CHMP1A: variants seen among roughly 807,000 people sequenced by gnomAD.
CHMP1A encodes the protein VPS46 homolog A.
Under a neutral mutation model 27.0 loss-of-function variants are expected in CHMP1A, and 17 were observed. That is an observed-to-expected ratio of 0.63 (90% CI 0.43 to 0.95). The LOEUF (loss-of-function observed/expected upper bound fraction) is 0.95, where lower values mean the gene tolerates loss of function less well. Among genes scored for constraint, CHMP1A ranks in the 40% least tolerant of loss-of-function variants. CHMP1A has a pLI of 0.00. For missense variants in CHMP1A, 275 were observed against 264.0 expected (o/e 1.04, Z -0.29); for synonymous variants, 131 against 107.5 (o/e 1.22, Z -1.35).
chr16:89,647,340 G>A lies in CHMP1A; in HGVS notation c.253-9C>T. ...GCCATATTCTTGGTCACCTGAGACA[G>A]GAGAGAGCGCAGGAGGGAACAGGAT... On this transcript the variant is annotated splice_polypyrimidine_tract_variant and intron_variant, in intron 4 of 6. Transcript: ENST00000397901. 1.9e-6 allele frequency: 3 copies of A among 1,606,134 alleles called. No individual in the cohort carries two copies. The highest frequency in any genetic ancestry group is 2.6e-6 in the Non-Finnish European group (3 of 1,174,032).
Position 89,657,660 on chromosome 16 carries a change from G to A in CHMP1A, c.-72C>T, listed in dbSNP as rs946327089. On this transcript the variant is annotated 5_prime_UTR_variant, in exon 1 of 7. Coordinates refer to ENST00000397901, the MANE Select transcript of CHMP1A (RefSeq NM_002768.5). ...ACTCCGGGCGGTGTCAGGTCCCGGC[G>A]GCGATCGAACCGACCAAGCTGCACC... 7 of 1,601,598 alleles carry A rather than the reference G, an allele frequency of 4.4e-6. No homozygotes were observed. The highest frequency in any genetic ancestry group is 1.1e-5 in the South Asian group (1 of 89,662).
At chr16:89,654,107 G>C (rs945105897) in intron 1 of CHMP1A, among the ~76,000 whole-genome samples, 184 bp from the exon 2 acceptor site, 1 of 152,228 alleles carries the variant, frequency 6.6e-6, no homozygotes, top group African/African-American at 2.4e-5. Context: ...TCGTGTGCCA[G>C]CCCTGGCTCC....
chr16:89,652,748 C>A (rs1264030947), intron 2 of CHMP1A, among the ~76,000 whole-genome samples: 1 of 152,208 alleles, frequency 6.6e-6, no homozygotes, highest in African/African-American at 2.4e-5. Context: ...GGGAAAACAT[C>A]CCAAAGCTGC....
intron 1 of CHMP1A, among the ~76,000 whole-genome samples, chr16:89,654,557 A>T (rs981939367): frequency 7.9e-5 from 12 of 152,142 alleles, no homozygotes; most frequent in Non-Finnish European, 2.9e-5. Flanking sequence ...TAATCACAGC[A>T]CTCTGGGAGG....
chr16:89,646,179 A>C, intron 6 of CHMP1A, 92 bp from the exon 7 acceptor site: 2 of 1,189,618 alleles, frequency 1.7e-6, no homozygotes, highest in Non-Finnish European at 2.4e-6. Context: ...TTTCCTCCTC[A>C]GTGTCCTGAG....
chr16:89,655,699 C>T (rs1028491747), intron 1 of CHMP1A, among the ~76,000 whole-genome samples: 3 of 151,960 alleles, frequency 2.0e-5, no homozygotes, highest in African/African-American at 7.3e-5. Context: ...CATCTTGGCT[C>T]ACTGCAACCT....
At chr16:89,651,757 G>T in intron 2 of CHMP1A, 111 bp from the exon 3 acceptor site, 1 of 1,004,572 alleles carries the variant, frequency 1.0e-6, no homozygotes, top group South Asian at 1.6e-5. Flanking sequence ...AGGTTCCTAA[G>T]CCCCCATCAG....
chr16:89,657,313 C>T (rs1196980665), intron 1 of CHMP1A, among the ~76,000 whole-genome samples: 2 of 112,270 alleles, frequency 1.8e-5, no homozygotes, highest in Admixed American at 9.5e-5. Flanking sequence ...GGTCGGGTAT[C>T]GGGGGACGAG....
chr16:89,649,122 T>A, intron 4 of CHMP1A: 1 of 549,152 alleles, frequency 1.8e-6, no homozygotes, highest in Non-Finnish European at 3.1e-6. Context: ...CCTGTGTCCC[T>A]GCCAGCATTT....
chr16:89,653,063 G>A (rs1432296675), intron 2 of CHMP1A, among the ~76,000 whole-genome samples: 2 of 129,228 alleles, frequency 1.5e-5, no homozygotes, highest in African/African-American at 5.9e-5. Context: ...TGTCACCCAG[G>A]CTGGAGTGCA....
intron 1 of CHMP1A, among the ~76,000 whole-genome samples, chr16:89,656,200 G>C (rs189150095): frequency 6.6e-6 from 1 of 152,022 alleles, no homozygotes; most frequent in Admixed American, 6.5e-5. Flanking sequence ...GAAGTGGCGC[G>C]ATCTCGGCTC....
At chr16:89,649,565 T>TTTTTGTTTGG (rs2059808112) in intron 3 of CHMP1A, 68 bp from the exon 4 acceptor site, 1 of 1,581,836 alleles carries the variant, frequency 6.3e-7, no homozygotes, top group Non-Finnish European at 8.6e-7. Context: ...AGGAGCCCAG[T>TTTTTGTTTGG]TTTTGTTTTG....
In CHMP1A at chr16:89,653,919, G is replaced by A. The variant is rs892185057; in HGVS notation, c.12C>T (p.Thr4=). 4 of 1,613,474 alleles carry A rather than the reference G, an allele frequency of 2.5e-6. No individual in the cohort carries two copies. In the African/African-American group the frequency reaches 4.0e-5, roughly 16 times the overall value. MDD[T]LFQLKFTAKQ... is the part of the protein sequence containing the mutation. ...CGGTACATACCTTCAACTGGAACAGGGTATCTGCAAAGAAAGAGGGAATTA... is the reference window on the plus strand; with the variant it reads ...CGGTACATACCTTCAACTGGAACAGAGTATCTGCAAAGAAAGAGGGAATTA... Residue 4 remains threonine (T), a synonymous_variant, in exon 2 of 7, where the codon ACC becomes ACT. Transcript: ENST00000397901.
rs780126387 is a variant in CHMP1A, at chr16:89,645,964, G to T, written c.*102C>A. On this transcript the variant is annotated 3_prime_UTR_variant, in exon 7 of 7. Coordinates refer to ENST00000397901, the MANE Select transcript of CHMP1A (RefSeq NM_002768.5). The stretch of plus-strand genomic sequence containing the variant: ...GAGAGACGCAGAGTGGCTGCCGGCC[G>T]CAGCCCCGCGGGGTCAGCACAAAGG... 2 of 1,610,794 alleles carry T rather than the reference G, an allele frequency of 1.2e-6. No homozygotes were observed. Among genetic ancestry groups the T allele is most frequent in the Non-Finnish European group, 1.7e-6 (2 of 1,179,004 alleles).
chr16:89,647,529 GTGCGGGGT>G (rs1166736643), intron 4 of CHMP1A, among the ~76,000 whole-genome samples, 198 bp from the exon 5 acceptor site: 1 of 147,208 alleles, frequency 6.8e-6, no homozygotes, highest in African/African-American at 2.6e-5. Flanking sequence ...TGGAGACCCA[GTGCGGGGT>G]CAGTGGAGAA....
chr16:89,655,908 G>A (rs1454873403), intron 1 of CHMP1A, among the ~76,000 whole-genome samples: 1 of 152,208 alleles, frequency 6.6e-6, no homozygotes, highest in African/African-American at 2.4e-5. Context: ...TTACAGGCGT[G>A]AGCCACCACA....
At position 89,647,205 on chromosome 16, in the gene CHMP1A, A is replaced by C. The variant is rs2059781841; in HGVS notation, c.379T>G (p.Ser127Ala). ...CCCCAAGGGTAGGGGCCACATACCG[A>C]TGTATGGACGTCCAGGTTCTGCACC... ...QQVQNLDVHT[S>A]VMEDSMSSAT... The change falls in exon 5 of 7, where the codon TCG becomes GCG. Residue 127 changes from serine to alanine, a missense_variant and splice_region_variant. Ser to Ala is a moderately conservative substitution (Grantham distance 99, BLOSUM62 1). Transcript: ENST00000397901. 5.6e-6 allele frequency: 9 copies of C among 1,608,918 alleles called. No individual in the cohort carries two copies. Among genetic ancestry groups the C allele is most frequent in the Non-Finnish European group, 7.6e-6 (9 of 1,178,280 alleles).
chr16:89,657,672 G>T lies in CHMP1A; in HGVS notation c.-84C>A. On this transcript the variant is annotated 5_prime_UTR_variant, in exon 1 of 7. Transcript: ENST00000397901. The stretch of plus-strand genomic sequence containing the variant: ...GTCAGGTCCCGGCGGCGATCGAACC[G>T]ACCAAGCTGCACCCGGCGGGGACTT... 2 of 1,564,530 alleles carry T rather than the reference G, an allele frequency of 1.3e-6. No individual in the cohort carries two copies. Among genetic ancestry groups the T allele is most frequent in the South Asian group, 1.1e-5 (1 of 88,544 alleles).
At chr16:89,647,108 G>A in intron 5 of CHMP1A, 95 bp downstream of exon 5, 3 of 1,545,332 alleles carry the variant, frequency 1.9e-6, no homozygotes, top group Non-Finnish European at 2.6e-6. Flanking sequence ...GGTATGCAGA[G>A]ACAGCACGTC....
Sources: allele counts gnomAD v4.1 joint callset (sites outside exome capture counted in the v4.1 genomes callset), GRCh38; gene constraint gnomAD v4.1.1; transcripts MANE v1.5; gene names NCBI Gene and HGNC (gene_info 2026-07-23, HGNC 2026-07-21).